SERPINB8: variants seen among roughly 807,000 people sequenced by gnomAD.
SERPINB8 encodes serpin family B member 8.
A neutral mutation model predicts 35.3 loss-of-function variants in SERPINB8; 25 were observed. The observed-to-expected ratio is 0.71, with a 90% CI of 0.52 to 0.99. SERPINB8 has a LOEUF of 0.99. Ranked by LOEUF, SERPINB8 falls within the 50% of genes least tolerant of loss-of-function variation. SERPINB8 has a pLI of 0.00. For missense variants in SERPINB8, 484 were observed against 446.5 expected (o/e 1.08, Z -0.76); for synonymous variants, 186 against 160.8 (o/e 1.16, Z -1.19).
chr18:63,977,520 G>T (rs897218019), intron 1 of SERPINB8, among the ~76,000 whole-genome samples: 3 of 152,108 alleles, frequency 2.0e-5, no homozygotes, highest in Non-Finnish European at 4.4e-5. Context: ...TAGAGATGGG[G>T]TTTCACCTTG....
At chr18:64,011,320 T>G (rs961592345) in intron 7 of SERPINB8, among the ~76,000 whole-genome samples, 1 of 151,946 alleles carries the variant, frequency 6.6e-6, no homozygotes, top group Non-Finnish European at 1.5e-5. Context: ...AAAAGTAGAC[T>G]TCAATGAAAT....
chr18:63,983,477 G>A, intron 4 of SERPINB8, 102 bp from the exon 5 acceptor site: 1 of 1,096,450 alleles, frequency 9.1e-7, no homozygotes, highest in Non-Finnish European at 1.4e-6. Flanking sequence ...CAGAACTCCA[G>A]CCTGTCTCTC....
downstream of SERPINB8, among the ~76,000 whole-genome samples, chr18:63,992,996 C>T (rs569228298): frequency 7.2e-5 from 11 of 152,206 alleles, no homozygotes; most frequent in African/African-American, 1.7e-4. Flanking sequence ...AACCTCTTGG[C>T]GGCAGGTGCA....
At chr18:64,002,913 G>A (rs2050882953) in intron 1 of SERPINB8, among the ~76,000 whole-genome samples, 1 of 152,232 alleles carries the variant, frequency 6.6e-6, no homozygotes, top group Admixed American at 6.5e-5. Context: ...CCCCCAAGCC[G>A]GCGGGGCCGG....
intron 7 of SERPINB8, among the ~76,000 whole-genome samples, chr18:64,013,407 C>T (rs2050934987): frequency 6.6e-6 from 1 of 152,210 alleles, no homozygotes; most frequent in African/African-American, 2.4e-5. Flanking sequence ...GGAATACCCT[C>T]CTATCTCTCC....
chr18:64,010,465 A>G (rs1161874377), downstream of SERPINB8, among the ~76,000 whole-genome samples: 1 of 152,208 alleles, frequency 6.6e-6, no homozygotes, highest in Non-Finnish European at 1.5e-5. Flanking sequence ...ATAAATAGAA[A>G]TAATAAATAA....
At chr18:63,985,747 G>A (rs1468320813) in intron 6 of SERPINB8, among the ~76,000 whole-genome samples, 1 of 152,128 alleles carries the variant, frequency 6.6e-6, no homozygotes, top group Non-Finnish European at 1.5e-5. Flanking sequence ...AGTACAGGTG[G>A]GAAATTTACC....
intron 1 of SERPINB8, chr18:64,004,766 A>G (rs1348104589): frequency 5.0e-6 from 2 of 398,320 alleles, no homozygotes; most frequent in African/African-American, 2.1e-5. Context: ...TCTGTTGTTT[A>G]GTGTCATTAT....
At chr18:64,005,720 G>T (rs1007487773), downstream of SERPINB8, 1 of 152,188 alleles carries the variant, frequency 6.6e-6, no homozygotes, top group Non-Finnish European at 1.5e-5. Flanking sequence ...AGCCTGTAAG[G>T]AAGTGTTTAT....
Position 64,004,846 on chromosome 18 carries a change from TG to T in SERPINB8, c.99del (p.Cys34LeufsTer21), listed in dbSNP as rs1409938131. The T allele has an allele frequency of 6.0e-5, 24 of 398,574 alleles. No homozygotes were observed. Among genetic ancestry groups the T allele is most frequent in the Non-Finnish European group, 1.0e-4 (23 of 225,994 alleles). 24.7% of individuals were successfully genotyped at this position (398,574 alleles called of 1,614,324 possible). On this transcript the variant is annotated frameshift_variant, in exon 2 of 2. Coordinates refer to the SERPINB8 transcript ENST00000493661. LOFTEE classifies it high-confidence loss of function. Reference sequence around the variant, plus strand: ...TACACTGAGAAGCACAAGCTTCTTCTGTGACATTCTTGCCAACATTATCAGC... The same window carrying T: ...TACACTGAGAAGCACAAGCTTCTTCTTGACATTCTTGCCAACATTATCAGC...
chr18:63,986,970 C>T lies in SERPINB8; in HGVS notation c.817C>T (p.Leu273=). ...KVQVFLPRLK[L]EESYDLEPFL... ...TCAAGTTTTCCTTCCCAGATTAAAG[C>T]TGGAGGAGAGTTATGACTTGGAGCC... The change falls in exon 7 of 7, where the codon CTG becomes TTG. Residue 273 remains leucine (L), a synonymous_variant. Transcript: ENST00000397985. 6.2e-7 allele frequency: 1 copy of T among 1,614,186 alleles called. No homozygotes were observed. The highest frequency in any genetic ancestry group is 1.1e-5 in the South Asian group (1 of 91,090).
In SERPINB8 at chr18:63,981,935, C is replaced by T. The variant is rs919097576; in HGVS notation, c.424+97C>T. 6.4e-6 allele frequency: 5 copies of T among 785,486 alleles called. No individual in the cohort carries two copies. The African/African-American group carries it at 6.8e-5, about 11-fold the overall frequency. The allele number at this position is 785,486 out of a possible 1,614,324, so 48.7% of individuals were successfully genotyped here. A position where few individuals can be genotyped will look rare whatever the true frequency, so the allele number is the denominator to read the frequency against. ...CCCAGGGTGTTGCCACTGTGACCTG[C>T]ATACCACAGGCCTGTTTGTATGTGT... On this transcript the variant is annotated intron_variant, in intron 4 of 6. Coordinates refer to ENST00000397985, the MANE Select transcript of SERPINB8 (RefSeq NM_002640.4).
chr18:63,979,742 A>G (rs2050640126), intron 2 of SERPINB8, 59 bp from the exon 3 acceptor site: 3 of 1,599,442 alleles, frequency 1.9e-6, no homozygotes, highest in South Asian at 2.2e-5. Context: ...TGTTTGGAGA[A>G]AGCTCTTTGG....
In SERPINB8 at chr18:63,970,141, C is replaced by CGGCGGT; in HGVS notation, c.-35_-34insTGGCGG. 2.7e-6 allele frequency: 1 copy of CGGCGGT among 367,558 alleles called. No individual in the cohort carries two copies. Among genetic ancestry groups the CGGCGGT allele is most frequent in the South Asian group, 2.1e-5 (1 of 48,474 alleles). 22.8% of individuals were successfully genotyped at this position (367,558 alleles called of 1,614,324 possible). On this transcript the variant is annotated 5_prime_UTR_variant, in exon 1 of 7. Coordinates refer to ENST00000397985, the MANE Select transcript of SERPINB8 (RefSeq NM_002640.4). ...ATAGTCAAAGCAGCAGCGGCGGCGG[C>CGGCGGT]GGCGGCGGCAGCAGCAGCAGCAGCA... is the stretch of plus-strand genomic sequence containing the variant.
intron 7 of SERPINB8, among the ~76,000 whole-genome samples, chr18:64,014,182 GA>G (rs1159024674): frequency 6.6e-6 from 1 of 152,158 alleles, no homozygotes; most frequent in African/African-American, 2.4e-5. Flanking sequence ...AGTGTATGCA[GA>G]AAAGGAAATT....
intron 1 of SERPINB8, among the ~76,000 whole-genome samples, chr18:63,970,827 A>G (rs1351964023): frequency 6.9e-6 from 1 of 144,954 alleles, no homozygotes; most frequent in Non-Finnish European, 1.5e-5. Context: ...ATCTTTCTGT[A>G]TCTTTCATAT....
chr18:64,014,469 A>G lies in SERPINB8; in HGVS notation c.*3-4441A>G, dbSNP rs78366415. 4.4e-4 allele frequency among the ~76,000 whole-genome samples: 67 copies of G among 152,218 alleles called. 1 individual carries two copies. The East Asian group carries it at 0.013, about 29-fold the overall frequency. On this transcript the variant is annotated intron_variant, in intron 7 of 7. Transcript: ENST00000636430. ...TATGAAGCTTGGGAGAGAATTCTAG[A>G]TGGATGAAAGGGCCCTGGGAATGGC...
intron 1 of SERPINB8, among the ~76,000 whole-genome samples, chr18:63,996,124 C>T (rs550994144): frequency 6.6e-5 from 10 of 152,242 alleles, no homozygotes; most frequent in African/African-American, 2.4e-4. Flanking sequence ...ACTCAGATAA[C>T]TGTAATTTTC....
rs184293603 is a variant in SERPINB8 at position 63,972,037 on chromosome 18, C to T, written c.-11+1867C>T. 1.5e-3 allele frequency among the ~76,000 whole-genome samples: 220 copies of T among 151,580 alleles called. 1 individual carries two copies. The highest frequency in any genetic ancestry group is 5.0e-3 in the African/African-American group (208 of 41,282). On this transcript the variant is annotated intron_variant, in intron 1 of 6. Coordinates refer to ENST00000397985, the MANE Select transcript of SERPINB8 (RefSeq NM_002640.4). ...TATGTGGTTTTAATAAGTTTCATTA[C>T]CTATTGAATAAATACAAAAGAACAT...
Sources: allele counts gnomAD v4.1 joint callset (sites outside exome capture counted in the v4.1 genomes callset), GRCh38; gene constraint gnomAD v4.1.1; transcripts MANE v1.5; gene names NCBI Gene and HGNC (gene_info 2026-07-23, HGNC 2026-07-21).